ACO1: variants seen among roughly 807,000 people sequenced by gnomAD.
ACO1 encodes the protein aconitase 1.
Under a neutral mutation model 105.1 loss-of-function variants are expected in ACO1, and 78 were observed. The ratio of observed to expected loss-of-function variants is 0.74; its 90% CI spans 0.62 to 0.90. The LOEUF is 0.90. ACO1 is among the 40% of genes least tolerant of loss of function. The pLI is 0.00. For missense variants in ACO1, 965 were observed against 1,111.1 expected, an observed-to-expected ratio of 0.87 and a Z score of 1.87; for synonymous variants, 364 against 397.4, an observed-to-expected ratio of 0.92 and a Z score of 1.00.
intron 11 of ACO1, 88 bp from the exon 12 acceptor site, chr9:32,427,213 C>G: frequency 6.6e-7 from 1 of 1,517,104 alleles, no homozygotes; most frequent in African/African-American, 1.4e-5. Context: ...GAAATGCAGA[C>G]TGAAGAAAAT....
intron 4 of ACO1, among the ~76,000 whole-genome samples, chr9:32,411,319 G>A (rs1821734362): frequency 6.6e-6 from 1 of 152,160 alleles, no homozygotes. Context: ...TCCATATACA[G>A]TGCTGGAAAT....
chr9:32,430,494 A>T lies in ACO1; in HGVS notation c.1646A>T (p.Asn549Ile), dbSNP rs750337798. ...CGAGTTCACCCCAACACCCGGGCCA[A>T]CTATTTAGCCTCTCCCCCCTTAGTA... ...EGRVHPNTRA[N>I]YLASPPLVIA... The change falls in exon 14 of 21, where the codon AAC becomes ATC. Residue 549 changes from asparagine to isoleucine, a missense_variant. Coordinates refer to ENST00000309951, the MANE Select transcript of ACO1 (RefSeq NM_002197.3). The T allele has an allele frequency of 1.2e-6, 2 of 1,612,416 alleles. No homozygotes were observed. Among genetic ancestry groups the T allele is most frequent in the Non-Finnish European group, 1.7e-6 (2 of 1,179,536 alleles).
At chr9:32,398,565 C>A (rs983848600) in intron 1 of ACO1, among the ~76,000 whole-genome samples, 31 of 127,548 alleles carry the variant, frequency 2.4e-4, no homozygotes, top group Admixed American at 2.2e-3. Context: ...TTTTCTTTTT[C>A]TTTCTTTCTT....
At chr9:32,445,002 C>A (rs1284231147) in intron 19 of ACO1, among the ~76,000 whole-genome samples, 3 of 152,162 alleles carry the variant, frequency 2.0e-5, no homozygotes, top group Non-Finnish European at 2.9e-5. Context: ...TGATATGCTG[C>A]TGGATTCGGT....
At chr9:32,393,345 G>A (rs1469502825) in intron 1 of ACO1, among the ~76,000 whole-genome samples, 2 of 152,128 alleles carry the variant, frequency 1.3e-5, no homozygotes, top group African/African-American at 4.8e-5. Flanking sequence ...GAAGAAATAA[G>A]CCCCAGTCTC....
chr9:32,442,909 G>C (rs1822514131), intron 19 of ACO1, among the ~76,000 whole-genome samples: 1 of 152,182 alleles, frequency 6.6e-6, no homozygotes, highest in Non-Finnish European at 1.5e-5. Flanking sequence ...AATTATTTAA[G>C]TGCTTACATA....
chr9:32,401,794 G>C (rs1041086300), intron 1 of ACO1, among the ~76,000 whole-genome samples: 3 of 152,104 alleles, frequency 2.0e-5, no homozygotes, highest in South Asian at 2.1e-4. Flanking sequence ...CATAATATTT[G>C]TTATTTTTTA....
At chr9:32,395,071 C>A (rs1821344493) in intron 1 of ACO1, among the ~76,000 whole-genome samples, 1 of 152,152 alleles carries the variant, frequency 6.6e-6, no homozygotes, top group Non-Finnish European at 1.5e-5. Context: ...AGTTCAGGAG[C>A]CTGAGGAAAT....
intron 1 of ACO1, among the ~76,000 whole-genome samples, chr9:32,398,128 G>A (rs1164074258): frequency 3.3e-5 from 5 of 152,070 alleles, no homozygotes; most frequent in Non-Finnish European, 5.9e-5. Flanking sequence ...ATTGCTTGTA[G>A]GGTCCATTAA....
chr9:32,449,312 C>T (rs993322701), intron 20 of ACO1, among the ~76,000 whole-genome samples: 3 of 152,166 alleles, frequency 2.0e-5, no homozygotes, highest in Admixed American at 6.5e-5. Flanking sequence ...CAGTTCCATT[C>T]TTACCTCCCA....
At chr9:32,424,805 C>T in intron 10 of ACO1, 140 bp downstream of exon 10, 1 of 631,676 alleles carries the variant, frequency 1.6e-6, no homozygotes, top group Non-Finnish European at 2.8e-6. Flanking sequence ...TTCTGAAGTC[C>T]TTAATGACTT....
At chr9:32,432,182 G>A (rs1822254014) in intron 15 of ACO1, among the ~76,000 whole-genome samples, 1 of 152,100 alleles carries the variant, frequency 6.6e-6, no homozygotes, top group African/African-American at 2.4e-5. Context: ...TCACTATATT[G>A]TGTCACTAAG....
intron 7 of ACO1, among the ~76,000 whole-genome samples, chr9:32,420,438 T>G (rs1047629368): frequency 2.0e-5 from 3 of 152,358 alleles, no homozygotes; most frequent in Admixed American, 6.5e-5. Flanking sequence ...CACTTTGTCT[T>G]TCTTTTTATA....
intron 1 of ACO1, among the ~76,000 whole-genome samples, chr9:32,397,458 G>C (rs912207463): frequency 6.6e-6 from 1 of 152,160 alleles, no homozygotes; most frequent in African/African-American, 2.4e-5. Flanking sequence ...AATGTTTCTA[G>C]CTCTCTTATG....
intron 4 of ACO1, among the ~76,000 whole-genome samples, chr9:32,415,040 GAA>G (rs964408991): frequency 1.3e-5 from 2 of 152,018 alleles, no homozygotes; most frequent in African/African-American, 4.8e-5. Context: ...ACCAAGGAGA[GAA>G]GAGCTGAAAA....
chr9:32,401,504 T>G (rs1189120878), intron 1 of ACO1, among the ~76,000 whole-genome samples: 1 of 152,120 alleles, frequency 6.6e-6, no homozygotes, highest in African/African-American at 2.4e-5. Flanking sequence ...TAAGGTTCTT[T>G]ACTAAAAACT....
intron 19 of ACO1, among the ~76,000 whole-genome samples, chr9:32,446,190 A>G (rs1822602305): frequency 6.6e-6 from 1 of 152,022 alleles, no homozygotes; most frequent in African/African-American, 2.4e-5. Flanking sequence ...TTGTTGATCT[A>G]ATATTGACAG....
rs1822747282 is a variant in ACO1 at position 32,450,729 on chromosome 9, G to A, written c.*618G>A. ...AGATCCACATAAAAAGAAATGTGAA[G>A]TTTTCTTTTACTATCTTTTCATTTA... is the stretch of plus-strand genomic sequence containing the variant. On this transcript the variant is annotated 3_prime_UTR_variant, in exon 21 of 21. Transcript: ENST00000309951. The A allele has an allele frequency of 1.3e-5, 2 of 151,652 alleles. No homozygotes were observed. Among genetic ancestry groups the A allele is most frequent in the East Asian group, 1.9e-4 (1 of 5,170 alleles). 9.4% of individuals were successfully genotyped at this position (151,652 alleles called of 1,614,324 possible).
rs977175915 is a variant in ACO1, at chr9:32,443,389, A to G, written c.2370+2802A>G. 2.6e-5 allele frequency among the ~76,000 whole-genome samples: 4 copies of G among 152,196 alleles called. No homozygotes were observed. The East Asian group carries it at 7.7e-4, about 29-fold the overall frequency. The stretch of plus-strand genomic sequence containing the variant: ...TGATTTCACTGAAATATAGCACACA[A>G]TTACTGGAAATGAGGGCCTATAAAA... On this transcript the variant is annotated intron_variant, in intron 19 of 20. Coordinates refer to ENST00000309951, the MANE Select transcript of ACO1 (RefSeq NM_002197.3).
Sources: gnomAD v4.1 joint callset for allele counts (sites outside exome capture counted in the v4.1 genomes callset) on GRCh38, gnomAD v4.1.1 for gene constraint, MANE v1.5 for transcripts, NCBI Gene and HGNC (gene_info 2026-07-23, HGNC 2026-07-21) for gene names.